Variants in TEP1 observed in about 807,000 individuals in gnomAD.
TEP1 encodes the protein telomerase protein component 1.
TEP1 carries 241 observed loss-of-function variants against 306.3 expected under a neutral mutation model. The observed-to-expected ratio is 0.79, with a 90% CI of 0.71 to 0.88. The LOEUF (loss-of-function observed/expected upper bound fraction) is 0.88, where lower values mean the gene tolerates loss of function less well. TEP1 is among the 40% of genes least tolerant of loss of function. The probability of loss-of-function intolerance (pLI) is 0.00; values close to 1 mark genes in which losing one functional copy is unlikely to be tolerated. For synonymous variants in TEP1, 1,289 were observed against 1,305.5 expected, an observed-to-expected ratio of 0.99 and a Z score of 0.27; for missense variants, 3,051 against 3,276.1, an observed-to-expected ratio of 0.93 and a Z score of 1.68.
Position 20,376,199 on chromosome 14 carries a change from GAA to G in TEP1, c.6152_6153del (p.Phe2051SerfsTer5), listed in dbSNP as rs1885167037. Reference protein sequence around the residue: ...LLTRPHKAEDFPCGTELRGHE... With the variant: ...LLTRPHKAEDXPCGTELRGHE... ...TGTCCCCGCAGCTCAGTGCCACAGG[GAA>G]AGTCTTCTGCCTTGTGTGGCCGCGT... On this transcript the variant is annotated frameshift_variant, in exon 42 of 55. Coordinates refer to ENST00000262715, the MANE Select transcript of TEP1 (RefSeq NM_007110.5). LOFTEE classifies it high-confidence loss of function. 1 of 1,614,072 alleles carries G rather than the reference GAA, an allele frequency of 6.2e-7. No individual in the cohort carries two copies. The highest frequency in any genetic ancestry group is 1.7e-5 in the Admixed American group (1 of 60,008).
Position 20,373,832 on chromosome 14 carries a change from A to C in TEP1, c.6472-22T>G. ...CCTCCTGCCCACAGAGCACAAGATC[A>C]GAGCAGAGTCATATTGAGCAGGACA... On this transcript the variant is annotated intron_variant, in intron 44 of 54. Coordinates refer to ENST00000262715, the MANE Select transcript of TEP1 (RefSeq NM_007110.5). 2 of 1,609,598 alleles carry C rather than the reference A, an allele frequency of 1.2e-6. 1 individual carries two copies. Among genetic ancestry groups the C allele is most frequent in the Non-Finnish European group, 1.7e-6 (2 of 1,177,994 alleles).
At position 20,367,667 on chromosome 14, in the gene TEP1, A is replaced by C. The variant is rs1884554095; in HGVS notation, c.*770T>G. The C allele has an allele frequency of 1.3e-5, 2 of 150,474 alleles. No individual in the cohort carries two copies. Among genetic ancestry groups the C allele is most frequent in the African/African-American group, 4.9e-5 (2 of 40,442 alleles). 9.3% of individuals were successfully genotyped at this position (150,474 alleles called of 1,614,324 possible). On this transcript the variant is annotated 3_prime_UTR_variant, in exon 55 of 55. Coordinates refer to ENST00000262715, the MANE Select transcript of TEP1 (RefSeq NM_007110.5). ...CGCTCTGTTGCCCAGGCTGGAGTGC[A>C]GTGGTGTCTCGGCTCACTGCAAGCT...
At chr14:20,389,441 A>G (rs111751048) in intron 16 of TEP1, 144 bp from the exon 17 acceptor site, 74,971 of 1,408,676 alleles carry the variant, frequency 0.053, 2,188 homozygotes, top group South Asian at 0.089. Flanking sequence ...GGACTCTCAC[A>G]GAGGGGTACA....
intron 48 of TEP1, 51 bp from the exon 49 acceptor site, chr14:20,372,908 C>A: frequency 6.2e-7 from 1 of 1,613,414 alleles, no homozygotes; most frequent in Non-Finnish European, 8.5e-7. Context: ...CCAGGATGCA[C>A]CATCTTTTCC....
chr14:20,402,136 T>C (rs1266744456), intron 7 of TEP1, among the ~76,000 whole-genome samples: 1 of 151,930 alleles, frequency 6.6e-6, no homozygotes, highest in East Asian at 1.9e-4. Context: ...TGAAACCCCG[T>C]CTCTACTAAA....
chr14:20,395,667 T>G (rs373668420), intron 11 of TEP1, 40 bp from the exon 12 acceptor site: 1 of 1,574,284 alleles, frequency 6.4e-7, no homozygotes, highest in African/African-American at 1.3e-5. Flanking sequence ...AGGCAGCTTC[T>G]ATTCCCTCAT....
Position 20,390,943 on chromosome 14 carries a change from C to A in TEP1, c.2251G>T (p.Val751Phe). 6.2e-7 allele frequency: 1 copy of A among 1,614,102 alleles called. No individual in the cohort carries two copies. The highest frequency in any genetic ancestry group is 8.5e-7 in the Non-Finnish European group (1 of 1,179,992). ...LKTAIKLQAQ[V>F]QEFDENDGWS... is the part of the protein sequence containing the mutation. ...GTGGGTGTTGAGTGTCTGACCTGGA[C>A]TTGAGCCTGGAGCTTGATGGCAGTC... The change falls in exon 14 of 55, where the codon GTC becomes TTC. Residue 751 changes from valine (V) to phenylalanine (F), a missense_variant. Coordinates refer to ENST00000262715, the MANE Select transcript of TEP1 (RefSeq NM_007110.5).
chr14:20,379,053 A>G lies in TEP1; in HGVS notation c.5180T>C (p.Leu1727Pro). The G allele has an allele frequency of 1.9e-6, 3 of 1,614,124 alleles. No individual in the cohort carries two copies. Among genetic ancestry groups the G allele is most frequent in the Non-Finnish European group, 2.5e-6 (3 of 1,180,036 alleles). The stretch of plus-strand genomic sequence containing the variant: ...AGTAAGAAAGAGTGTATCATCGGAG[A>G]GGAACAAACAAGCAGAGATTCCATC... ...GCDGISACLF[L>P]SDDTLFLTAF... The change falls in exon 36 of 55, where the codon CTC (leucine) becomes CCC (proline). Residue 1727 changes from leucine to proline, a missense_variant. Physicochemically the swap from Leu to Pro is moderately conservative, Grantham distance 98. Coordinates refer to ENST00000262715, the MANE Select transcript of TEP1 (RefSeq NM_007110.5).
chr14:20,409,070 T>C (rs1210137799), intron 1 of TEP1, among the ~76,000 whole-genome samples: 1 of 152,154 alleles, frequency 6.6e-6, no homozygotes. Context: ...ATTCACTCTT[T>C]AACCAACTAA....
rs1760903 is a variant in TEP1, at chr14:20,384,658, G to A, written c.3163C>T (p.Arg1055Cys). 0.49 allele frequency: 782,518 copies of A among 1,613,232 alleles called. 195,857 individuals are homozygous for A. The highest frequency in any genetic ancestry group is 0.75 in the African/African-American group (56,441 of 74,942). The change falls in exon 22 of 55, where the codon CGT becomes TGT. Residue 1055 changes from arginine to cysteine, a missense_variant. This residue lies in a region of TEP1 where 1,507 missense variants were observed against 1,550.5 expected (regional missense o/e 0.97). Coordinates refer to ENST00000262715, the MANE Select transcript of TEP1 (RefSeq NM_007110.5). ...DFVSESEEAA[R>C]RISELKSYLS... is the part of the protein sequence containing the mutation. ...TAGCTCTTCAGTTCTGAGATCCGAC[G>A]TGCGGCCTCTTCAGACTCAGAAACA...
intron 1 of TEP1, among the ~76,000 whole-genome samples, chr14:20,409,883 A>G (rs549385459): frequency 3.7e-4 from 56 of 151,952 alleles, no homozygotes; most frequent in South Asian, 2.3e-3. Context: ...TTAGCCAGGC[A>G]GGGTGGCGGG....
Position 20,376,125 on chromosome 14 carries a change from C to A in TEP1, c.6228G>T (p.Leu2076=), listed in dbSNP as rs1391562917. The part of the protein sequence containing the change: ...CCSFSTDGGS[L]ATGGRDRSLL... The stretch of plus-strand genomic sequence containing the variant: ...TCACCCGATCCCGGCCCCCGGTGGC[C>A]AGGCTGCCTCCATCAGTGCTGAAAC... Residue 2076 remains leucine, a synonymous_variant, in exon 42 of 55, where the codon CTG becomes CTT. Coordinates refer to ENST00000262715, the MANE Select transcript of TEP1 (RefSeq NM_007110.5). 6.8e-6 allele frequency: 11 copies of A among 1,614,128 alleles called. No homozygotes were observed. Among genetic ancestry groups the A allele is most frequent in the Non-Finnish European group, 7.6e-6 (9 of 1,180,012 alleles).
intron 7 of TEP1, among the ~76,000 whole-genome samples, chr14:20,401,908 C>T (rs1878790211): frequency 6.6e-6 from 1 of 152,194 alleles, no homozygotes; most frequent in Non-Finnish European, 1.5e-5. Flanking sequence ...GGAAAATCAG[C>T]TCCGATTTAA....
At chr14:20,407,822 G>T in intron 2 of TEP1, 51 bp downstream of exon 2, 1 of 1,436,750 alleles carries the variant, frequency 7.0e-7, no homozygotes, top group Non-Finnish European at 9.5e-7. Context: ...CTAGAGACAA[G>T]AGCATACAAC....
chr14:20,384,792 G>A, intron 21 of TEP1, 79 bp from the exon 22 acceptor site: 1 of 1,504,656 alleles, frequency 6.6e-7, no homozygotes, highest in Non-Finnish European at 9.1e-7. Flanking sequence ...AGACATAGCT[G>A]TAATTTCCTG....
At chr14:20,383,077 C>A (rs1876735857) in intron 27 of TEP1, 97 bp downstream of exon 27, 3 of 1,321,940 alleles carry the variant, frequency 2.3e-6, no homozygotes, top group Non-Finnish European at 3.1e-6. Context: ...AACAAAGGAG[C>A]AGGTCTGTGC....
At chr14:20,408,914 CT>C (rs11347840) in intron 1 of TEP1, among the ~76,000 whole-genome samples, 3,826 of 152,128 alleles carry the variant, frequency 0.025, 58 homozygotes, top group Non-Finnish European at 0.038. Context: ...CCCAACCCCC[CT>C]GACCCCCGCT....
rs139477494 is a variant in TEP1, at chr14:20,378,271, C to T, written c.5509-35G>A. The T allele has an allele frequency of 1.3e-4, 217 of 1,613,072 alleles. 2 individuals are homozygous for T. The highest frequency in any genetic ancestry group is 8.1e-4 in the South Asian group (74 of 91,038). On this transcript the variant is annotated intron_variant, in intron 38 of 54. Coordinates refer to ENST00000262715, the MANE Select transcript of TEP1 (RefSeq NM_007110.5). ...GAGGTAGAAATGGAAACGTGAAGACCTGCTCTCAGCAAAATCTTAAGTGAC... is the reference window on the plus strand; with the variant it reads ...GAGGTAGAAATGGAAACGTGAAGACTTGCTCTCAGCAAAATCTTAAGTGAC...
In TEP1 at chr14:20,368,357, A is replaced by G. The variant is rs1204300661; in HGVS notation, c.*80T>C. 3.4e-6 allele frequency: 5 copies of G among 1,449,802 alleles called. No homozygotes were observed. Among genetic ancestry groups the G allele is most frequent in the East Asian group, 2.3e-5 (1 of 42,656 alleles). The allele number at this position is 1,449,802 out of a possible 1,614,324, so 89.8% of individuals were successfully genotyped here. ...TAATTATCAAGAAATTATTAATTTT[A>G]TAATTATTAAAAGCTACCAGTGTCT... On this transcript the variant is annotated 3_prime_UTR_variant, in exon 55 of 55. Coordinates refer to ENST00000262715, the MANE Select transcript of TEP1 (RefSeq NM_007110.5).
Sources: gnomAD v4.1 joint callset for allele counts (sites outside exome capture counted in the v4.1 genomes callset) on GRCh38, gnomAD v4.1.1 for gene constraint, gnomAD v4.1.1 regional missense constraint, MANE v1.5 for transcripts, NCBI Gene and HGNC (gene_info 2026-07-23, HGNC 2026-07-21) for gene names.